Variants in LTBP1 observed in about 807,000 individuals in gnomAD.
LTBP1 encodes latent-transforming growth factor beta-binding protein 1.
In LTBP1, 129 loss-of-function variants were observed where a neutral mutation model predicts 207.6. The observed-to-expected ratio is 0.62, with a 90% CI of 0.54 to 0.72. The LOEUF is 0.72. Among genes scored for constraint, LTBP1 ranks in the 30% least tolerant of loss-of-function variants. The pLI is 0.00. For missense variants in LTBP1, 2,281 were observed against 2,217.2 expected (o/e 1.03, Z -0.58); for synonymous variants, 963 against 833.7 (o/e 1.16, Z -2.67).
chr2:33,220,221 T>C (rs2091011428), intron 8 of LTBP1, among the ~76,000 whole-genome samples: 1 of 152,224 alleles, frequency 6.6e-6, no homozygotes, highest in Non-Finnish European at 1.5e-5. Flanking sequence ...ATTCTTCCTG[T>C]GTCATTTAAA....
chr2:33,173,396 A>G (rs2085672388), intron 5 of LTBP1, among the ~76,000 whole-genome samples: 1 of 152,226 alleles, frequency 6.6e-6, no homozygotes, highest in South Asian at 2.1e-4. Context: ...AATAAACTAT[A>G]AAATCTAGAA....
chr2:33,359,275 T>C (rs2094899645), intron 26 of LTBP1, among the ~76,000 whole-genome samples: 2 of 152,186 alleles, frequency 1.3e-5, no homozygotes, highest in Non-Finnish European at 2.9e-5. Flanking sequence ...TTTGCTTGCT[T>C]TTAATGCCAG....
chr2:33,172,981 A>G (rs1336736605), intron 5 of LTBP1, among the ~76,000 whole-genome samples: 2 of 152,110 alleles, frequency 1.3e-5, no homozygotes, highest in African/African-American at 2.4e-5. Flanking sequence ...AACATACCAG[A>G]ATCTCTGGGA....
At chr2:33,245,250 G>T (rs573055351) in intron 10 of LTBP1, among the ~76,000 whole-genome samples, 1 of 152,100 alleles carries the variant, frequency 6.6e-6, no homozygotes, top group Non-Finnish European at 1.5e-5. Flanking sequence ...TTTGAAATTT[G>T]CCATTTGGTT....
chr2:33,209,798 G>A (rs2090160447), intron 7 of LTBP1, among the ~76,000 whole-genome samples: 1 of 152,164 alleles, frequency 6.6e-6, no homozygotes, highest in African/African-American at 2.4e-5. Flanking sequence ...GGAGCCTGGG[G>A]GAAGAGATCT....
At chr2:33,103,427 G>A (rs1034351596) in intron 3 of LTBP1, among the ~76,000 whole-genome samples, 1 of 152,180 alleles carries the variant, frequency 6.6e-6, no homozygotes, top group South Asian at 2.1e-4. Flanking sequence ...TTTGTATGCT[G>A]TATGCACCAT....
intron 3 of LTBP1, among the ~76,000 whole-genome samples, chr2:33,074,737 G>A (rs1352461001): frequency 6.6e-6 from 1 of 152,180 alleles, no homozygotes. Flanking sequence ...AGGCATGGTG[G>A]CAGTCGCCTG....
At chr2:33,173,022 T>G (rs1347359897) in intron 5 of LTBP1, among the ~76,000 whole-genome samples, 1 of 152,118 alleles carries the variant, frequency 6.6e-6, no homozygotes, top group Non-Finnish European at 1.5e-5. Flanking sequence ...GAGGGAAATT[T>G]ATAGCACTAA....
intron 5 of LTBP1, among the ~76,000 whole-genome samples, chr2:33,140,289 C>G (rs2082531276): frequency 6.6e-6 from 1 of 152,168 alleles, no homozygotes; most frequent in African/African-American, 2.4e-5. Context: ...TTAAGAGGGG[C>G]AAGCATATGG....
intron 5 of LTBP1, among the ~76,000 whole-genome samples, chr2:33,169,000 G>C (rs1390667297): frequency 6.6e-6 from 1 of 152,210 alleles, no homozygotes; most frequent in Non-Finnish European, 1.5e-5. Context: ...AGCAGAGTTA[G>C]GGGGGAGCCA....
chr2:33,230,144 C>T (rs567661931), intron 9 of LTBP1, among the ~76,000 whole-genome samples: 1 of 152,170 alleles, frequency 6.6e-6, no homozygotes, highest in Non-Finnish European at 1.5e-5. Flanking sequence ...CATTTAGCAT[C>T]TAATTGCTTG....
chr2:33,277,642 C>T (rs576705325), intron 18 of LTBP1, among the ~76,000 whole-genome samples: 1 of 151,932 alleles, frequency 6.6e-6, no homozygotes, highest in Admixed American at 6.6e-5. Context: ...AGATCTCAAG[C>T]ACCTCTGTAG....
intron 26 of LTBP1, among the ~76,000 whole-genome samples, chr2:33,349,861 T>G (rs2094756775): frequency 6.6e-6 from 1 of 152,234 alleles, no homozygotes; most frequent in African/African-American, 2.4e-5. Context: ...AGTGTATACC[T>G]AGGTGAGTCT....
intron 2 of LTBP1, among the ~76,000 whole-genome samples, chr2:33,005,516 T>C (rs1310669973): frequency 6.6e-6 from 1 of 151,908 alleles, no homozygotes; most frequent in Non-Finnish European, 1.5e-5. Context: ...CAGGTCTTAG[T>C]ATGGCACTTC....
intron 7 of LTBP1, among the ~76,000 whole-genome samples, chr2:33,197,718 G>C (rs1319915657): frequency 1.3e-5 from 2 of 152,164 alleles, no homozygotes; most frequent in Admixed American, 6.5e-5. Flanking sequence ...AGTTATGCCA[G>C]ATGGTATGAA....
At chr2:33,026,998 C>T (rs79179788) in intron 3 of LTBP1, among the ~76,000 whole-genome samples, 1 of 152,180 alleles carries the variant, frequency 6.6e-6, no homozygotes. Context: ...TCAGTTCTGC[C>T]TGTGTTTGAA....
chr2:33,385,010 A>T (rs2095253780), intron 31 of LTBP1, among the ~76,000 whole-genome samples: 1 of 152,216 alleles, frequency 6.6e-6, no homozygotes, highest in Non-Finnish European at 1.5e-5. Flanking sequence ...TCTTCTGTTA[A>T]CTTATTCTCT....
At chr2:33,135,236 AGAGAG>A (rs931337570) in intron 5 of LTBP1, among the ~76,000 whole-genome samples, 53 of 152,360 alleles carry the variant, frequency 3.5e-4, no homozygotes, top group Non-Finnish European at 6.2e-4. Context: ...GTAGAAGAGA[AGAGAG>A]TAGGTTTTAG....
chr2:33,327,600 T>C (rs2094443686), intron 24 of LTBP1, among the ~76,000 whole-genome samples: 1 of 152,272 alleles, frequency 6.6e-6, no homozygotes, highest in African/African-American at 2.4e-5. Context: ...CATTTTGCAG[T>C]TGGAGAAAAA....
Sources: allele counts gnomAD v4.1 joint callset (sites outside exome capture counted in the v4.1 genomes callset), GRCh38; gene constraint gnomAD v4.1.1; transcripts MANE v1.5; gene names NCBI Gene and HGNC (gene_info 2026-07-23, HGNC 2026-07-21).